PRKDC: variants seen among roughly 807,000 people sequenced by gnomAD.
PRKDC encodes the protein protein kinase, DNA-activated, catalytic subunit.
In PRKDC, 82 loss-of-function variants were observed where a neutral mutation model predicts 486.9. That is an observed-to-expected ratio of 0.17 (90% confidence interval 0.14 to 0.20). The LOEUF (loss-of-function observed/expected upper bound fraction) is 0.20, where lower values mean the gene tolerates loss of function less well. Among genes scored for constraint, PRKDC ranks in the 10% least tolerant of loss-of-function variants. PRKDC has a pLI of 1.00. For missense variants in PRKDC, 4,504 were observed against 5,038.2 expected (o/e 0.89, Z 3.21); for synonymous variants, 1,895 against 1,837.0 (o/e 1.03, Z -0.81).
chr8:47,906,678 C>G (rs1035286372), intron 25 of PRKDC, among the ~76,000 whole-genome samples: 1 of 151,184 alleles, frequency 6.6e-6, no homozygotes, highest in Non-Finnish European at 1.5e-5. Flanking sequence ...ACTCCCTACA[C>G]TGATATCCTG....
At chr8:47,873,982 C>CT (rs1425096907) in intron 40 of PRKDC, among the ~76,000 whole-genome samples, 10 of 145,282 alleles carry the variant, frequency 6.9e-5, no homozygotes, top group African/African-American at 2.6e-4. Context: ...TGGTATTTTG[C>CT]TATTTTTTTT....
intron 16 of PRKDC, among the ~76,000 whole-genome samples, chr8:47,932,807 A>G (rs1012434513): frequency 1.3e-5 from 2 of 152,210 alleles, no homozygotes; most frequent in Non-Finnish European, 2.9e-5. Flanking sequence ...AAAAATTAAC[A>G]TATATAAATT....
intron 19 of PRKDC, among the ~76,000 whole-genome samples, chr8:47,928,733 G>C (rs2090199028): frequency 6.6e-6 from 1 of 151,930 alleles, no homozygotes; most frequent in Admixed American, 6.6e-5. Context: ...ACCCAGCCTG[G>C]AGTACAGTAG....
At chr8:47,920,736 T>C (rs1243306532) in intron 21 of PRKDC, among the ~76,000 whole-genome samples, 3 of 152,218 alleles carry the variant, frequency 2.0e-5, no homozygotes, top group African/African-American at 4.8e-5. Flanking sequence ...TCTACTTGTG[T>C]TTGTTTTCCC....
chr8:47,785,674 G>A (rs1353881611), intron 76 of PRKDC, among the ~76,000 whole-genome samples: 3 of 152,048 alleles, frequency 2.0e-5, no homozygotes, highest in Non-Finnish European at 4.4e-5. Context: ...AGTCTGAAGT[G>A]ACAGTGAACT....
chr8:47,875,536 AAC>A (rs1324786487), intron 40 of PRKDC, among the ~76,000 whole-genome samples: 1 of 152,170 alleles, frequency 6.6e-6, no homozygotes, highest in African/African-American at 2.4e-5. Context: ...CCTATTTTCA[AAC>A]ACAGGAATTA....
chr8:47,957,400 A>C lies in PRKDC; in HGVS notation c.186T>G (p.Asp62Glu), dbSNP rs2154504732. 1 of 1,592,692 alleles carries C rather than the reference A, an allele frequency of 6.3e-7. No homozygotes were observed. Among genetic ancestry groups the C allele is most frequent in the Middle Eastern group, 1.7e-4 (1 of 6,004 alleles). The change falls in exon 2 of 86, where the codon GAT becomes GAG. Residue 62 changes from aspartate to glutamate, a missense_variant. By Grantham distance (45) the Asp-to-Glu change is conservative. Around this residue, in one of 6 missense-constraint regions of PRKDC, gnomAD observed 145 missense variants for 136.3 expected, o/e 1.06. Transcript: ENST00000314191. ...ALQTSLVFSR[D>E]FGLLVFVRKS... is the part of the protein sequence containing the mutation. ...TCCGGACAAATACAAGCAAACCGAA[A>C]TCTCTGGAAAAAACTAAAGATGTCT... is the stretch of plus-strand genomic sequence containing the variant.
chr8:47,940,362 T>C (rs1001079381), intron 10 of PRKDC, among the ~76,000 whole-genome samples: 1 of 152,088 alleles, frequency 6.6e-6, no homozygotes, highest in African/African-American at 2.4e-5. Context: ...TCAAAGAGCA[T>C]TCCCCATTTC....
At chr8:47,958,299 A>G (rs773061893) in intron 1 of PRKDC, among the ~76,000 whole-genome samples, 1 of 152,208 alleles carries the variant, frequency 6.6e-6, no homozygotes, top group African/African-American at 2.4e-5. Context: ...AATCCTATAT[A>G]ACCTGAATGA....
At chr8:47,828,140 T>C in intron 62 of PRKDC, 28 bp downstream of exon 62, 1 of 1,593,228 alleles carries the variant, frequency 6.3e-7, no homozygotes, top group Non-Finnish European at 8.6e-7. Flanking sequence ...AAACAATGTA[T>C]ATTTGATGAA....
intron 23 of PRKDC, among the ~76,000 whole-genome samples, chr8:47,914,401 T>C (rs1157167015): frequency 1.3e-5 from 2 of 152,154 alleles, no homozygotes. Context: ...ACTTTCCAAA[T>C]ACAGGCTCTA....
intron 45 of PRKDC, among the ~76,000 whole-genome samples, chr8:47,860,338 T>C (rs2088647936): frequency 6.6e-6 from 1 of 152,146 alleles, no homozygotes; most frequent in Non-Finnish European, 1.5e-5. Flanking sequence ...TTGAGGGTAT[T>C]AGAGGAAACT....
chr8:47,803,076 T>C (rs1230087358), intron 70 of PRKDC, among the ~76,000 whole-genome samples: 1 of 152,234 alleles, frequency 6.6e-6, no homozygotes, highest in African/African-American at 2.4e-5. Flanking sequence ...CGTGAGCCAC[T>C]GCGCCCAGGC....
chr8:47,798,413 AAG>A lies in PRKDC; in HGVS notation c.10298-18_10298-17del. 6.4e-7 allele frequency: 1 copy of A among 1,564,642 alleles called. No individual in the cohort carries two copies. Among genetic ancestry groups the A allele is most frequent in the Non-Finnish European group, 8.6e-7 (1 of 1,158,142 alleles). The stretch of plus-strand genomic sequence containing the variant: ...GAATCAATAACTATCAAGGACACCA[AAG>A]AAGAAAGCAATGGTCAATGTATCCC... On this transcript the variant is annotated splice_polypyrimidine_tract_variant and intron_variant, in intron 72 of 85. Transcript: ENST00000314191.
At position 47,888,577 on chromosome 8, in the gene PRKDC, C is replaced by T. The variant is rs756826348; in HGVS notation, c.4354G>A (p.Val1452Met). The T allele has an allele frequency of 6.3e-7, 1 of 1,587,432 alleles. No individual in the cohort carries two copies. Among genetic ancestry groups the T allele is most frequent in the Non-Finnish European group, 8.6e-7 (1 of 1,166,256 alleles). Reference protein sequence around the residue: ...QVDRSRLAAVVSACKQLHRAG... With the variant: ...QVDRSRLAAVMSACKQLHRAG... ...CTGTGAAGCTGTTTACAGGCAGACA[C>T]AACAGCAGCCAGCCTGCTCCTGTCC... The change falls in exon 34 of 86, where the codon GTG (valine) becomes ATG (methionine). Residue 1452 changes from valine (V) to methionine (M), a missense_variant. Around this residue, in one of 6 missense-constraint regions of PRKDC, gnomAD observed 1,969 missense variants for 2,068.9 expected, o/e 0.95. Coordinates refer to ENST00000314191, the MANE Select transcript of PRKDC (RefSeq NM_006904.7).
intron 50 of PRKDC, 68 bp from the exon 51 acceptor site, chr8:47,854,282 T>C (rs1326716007): frequency 6.4e-7 from 1 of 1,551,974 alleles, no homozygotes; most frequent in Non-Finnish European, 8.9e-7. Flanking sequence ...GGAAGACAAA[T>C]ACAGAATTTT....
At chr8:47,850,794 G>C (rs139807080) in intron 52 of PRKDC, among the ~76,000 whole-genome samples, 9 of 152,160 alleles carry the variant, frequency 5.9e-5, no homozygotes, top group Admixed American at 5.9e-4. Context: ...GGAAGAGTGC[G>C]AGCCTCTCTT....
At chr8:47,911,776 ATTTT>A (rs112004714) in intron 25 of PRKDC, among the ~76,000 whole-genome samples, 1 of 146,950 alleles carries the variant, frequency 6.8e-6, no homozygotes, top group Non-Finnish European at 1.5e-5. Flanking sequence ...TTATTTATTT[ATTTT>A]TTTTTTTGAG....
chr8:47,804,175 G>A (rs1165306872), intron 69 of PRKDC, among the ~76,000 whole-genome samples: 1 of 152,052 alleles, frequency 6.6e-6, no homozygotes, highest in African/African-American at 2.4e-5. Flanking sequence ...AATAAGTGGT[G>A]ATTTTGTGTC....
Sources: allele counts gnomAD v4.1 joint callset (sites outside exome capture counted in the v4.1 genomes callset), GRCh38; gene constraint gnomAD v4.1.1; regional missense constraint gnomAD v4.1.1; transcripts MANE v1.5; gene names NCBI Gene and HGNC (gene_info 2026-07-23, HGNC 2026-07-21).